The following LAD1 variants were observed in gnomAD, a reference collection of about 807,000 sequenced individuals.
The protein encoded by LAD1 is ladinin 1.
A neutral mutation model predicts 54.2 loss-of-function variants in LAD1; 53 were observed. The ratio of observed to expected loss-of-function variants is 0.98; its 90% CI spans 0.78 to 1.23. The LOEUF (loss-of-function observed/expected upper bound fraction) is 1.23, where lower values mean the gene tolerates loss of function less well. LAD1 is among the 50% of genes most tolerant of loss of function. The pLI, the probability that LAD1 is intolerant of heterozygous loss-of-function variation, is 0.00. For synonymous variants in LAD1, 231 were observed against 257.7 expected (o/e 0.90, Z 0.99); for missense variants, 637 against 653.3 (o/e 0.98, Z 0.27).
chr1:201,383,164 G>T lies in LAD1; in HGVS notation c.1296C>A (p.Phe432Leu), dbSNP rs746996577. Residue 432 changes from phenylalanine to leucine, a missense_variant, in exon 7 of 10, where the codon TTC (phenylalanine) becomes TTA (leucine). Physicochemically the swap from Phe to Leu is conservative, Grantham distance 22. Coordinates refer to ENST00000391967, the MANE Select transcript of LAD1 (RefSeq NM_005558.4). ...TGCTGGCTACACCCACAGGAGCCAC[G>T]AATAACTCAGTGCAAGGCAGACCCC... ...KSRGLPCTEL[F>L]VAPVGVASKR... 3.7e-6 allele frequency: 6 copies of T among 1,613,892 alleles called. No individual in the cohort carries two copies. The African/African-American group carries it at 8.0e-5, about 22-fold the overall frequency.
intron 1 of LAD1, among the ~76,000 whole-genome samples, chr1:201,398,517 G>A (rs910408714): frequency 3.3e-5 from 5 of 152,100 alleles, no homozygotes; most frequent in Non-Finnish European, 5.9e-5. Context: ...GTGCAGGGTC[G>A]CTCCAAGAGA....
chr1:201,389,365 C>G, intron 1 of LAD1, 62 bp from the exon 2 acceptor site: 1 of 1,567,444 alleles, frequency 6.4e-7, no homozygotes, highest in Non-Finnish European at 8.6e-7. Context: ...CCGAGGCAGG[C>G]TCCTCTAGGG....
chr1:201,391,919 G>A (rs1488173569), intron 1 of LAD1, among the ~76,000 whole-genome samples: 4 of 152,342 alleles, frequency 2.6e-5, no homozygotes, highest in African/African-American at 9.6e-5. Context: ...CAGGTTAAAA[G>A]GTTCTAGAAA....
chr1:201,394,645 T>C (rs1425235276), intron 1 of LAD1, among the ~76,000 whole-genome samples: 2 of 152,216 alleles, frequency 1.3e-5, no homozygotes, highest in Non-Finnish European at 2.9e-5. Context: ...GGCTCCAAAG[T>C]CCCACCTCTC....
chr1:201,386,640 T>A lies in LAD1; in HGVS notation c.721A>T (p.Lys241Ter). The change falls in exon 3 of 10, where the codon AAG becomes TAG. Residue 241 changes from lysine to a stop codon, truncating the protein, a stop_gained. Transcript: ENST00000391967. LOFTEE classifies it high-confidence loss of function. ...AGTGCCATCCCTGGGGCCAGCGACT[T>A]CTCAGAGACACTGGTTTTTTCTAGA... ...SVLEKTSVSE[K>*]SLAPGMALGS... is the part of the protein sequence containing the mutation. The A allele has an allele frequency of 6.2e-7, 1 of 1,614,148 alleles. No individual in the cohort carries two copies. The highest frequency in any genetic ancestry group is 8.5e-7 in the Non-Finnish European group (1 of 1,179,996).
intron 1 of LAD1, among the ~76,000 whole-genome samples, chr1:201,393,340 A>C (rs996040439): frequency 6.6e-5 from 10 of 152,352 alleles, no homozygotes; most frequent in Admixed American, 5.2e-4. Context: ...CAGATACCAC[A>C]GGAAAAGCAG....
intron 1 of LAD1, among the ~76,000 whole-genome samples, chr1:201,395,131 G>T (rs1662266477): frequency 6.6e-6 from 1 of 152,166 alleles, no homozygotes; most frequent in African/African-American, 2.4e-5. Flanking sequence ...TGGGAATCAT[G>T]GGGCTGCCTT....
At chr1:201,390,028 T>C (rs1662169978) in intron 1 of LAD1, among the ~76,000 whole-genome samples, 1 of 151,452 alleles carries the variant, frequency 6.6e-6, no homozygotes, top group Non-Finnish European at 1.5e-5. Context: ...CAAGTGATCC[T>C]CCCACCTCAG....
At chr1:201,382,216 C>G (rs1316940405) in intron 9 of LAD1, 36 bp downstream of exon 9, 2 of 1,571,876 alleles carry the variant, frequency 1.3e-6, no homozygotes, top group East Asian at 2.2e-5. Flanking sequence ...CACCGTGGCC[C>G]TCCGCCGTAG....
intron 1 of LAD1, among the ~76,000 whole-genome samples, chr1:201,390,451 T>A (rs753227356): frequency 2.6e-5 from 4 of 151,976 alleles, no homozygotes; most frequent in Non-Finnish European, 4.4e-5. Flanking sequence ...GCCAGAGAAT[T>A]GCTCGAACCT....
At chr1:201,394,706 G>A (rs972696534) in intron 1 of LAD1, among the ~76,000 whole-genome samples, 3 of 152,102 alleles carry the variant, frequency 2.0e-5, no homozygotes, top group South Asian at 2.1e-4. Flanking sequence ...TGGCTTACAC[G>A]TGAGGCCACA....
intron 8 of LAD1, 151 bp downstream of exon 8, chr1:201,382,502 A>T: frequency 2.7e-6 from 2 of 750,362 alleles, no homozygotes; most frequent in South Asian, 3.4e-5. Context: ...TCTATTCCCG[A>T]CTGCCTCCAC....
chr1:201,384,769 AC>A (rs1033800022), intron 5 of LAD1, 22 bp downstream of exon 5: 2 of 1,613,232 alleles, frequency 1.2e-6, no homozygotes, highest in African/African-American at 2.7e-5. Context: ...AATAGAAAGA[AC>A]CAGAGCCTCC....
chr1:201,381,633 G>T lies in LAD1; in HGVS notation c.*255C>A. On this transcript the variant is annotated 3_prime_UTR_variant, in exon 10 of 10. Coordinates refer to ENST00000391967, the MANE Select transcript of LAD1 (RefSeq NM_005558.4). Reference sequence around the variant, plus strand: ...CTGATGTGCACTTGTGCTGTGACCTGGGCAGAGACTGGGTCCCAGCATCTG... The same window carrying T: ...CTGATGTGCACTTGTGCTGTGACCTTGGCAGAGACTGGGTCCCAGCATCTG... 1.7e-6 allele frequency: 1 copy of T among 588,112 alleles called. No homozygotes were observed. Among genetic ancestry groups the T allele is most frequent in the Non-Finnish European group, 3.1e-6 (1 of 325,822 alleles). 36.4% of individuals were successfully genotyped at this position (588,112 alleles called of 1,614,324 possible).
chr1:201,389,382 G>A, intron 1 of LAD1, 79 bp from the exon 2 acceptor site: 1 of 1,522,524 alleles, frequency 6.6e-7, no homozygotes, highest in Non-Finnish European at 8.8e-7. Flanking sequence ...AGGGCTGGGA[G>A]AAGAGACCAA....
At chr1:201,386,302 G>T in intron 3 of LAD1, 33 bp downstream of exon 3, 1 of 1,067,198 alleles carries the variant, frequency 9.4e-7, no homozygotes. Context: ...AGGTGGCAGA[G>T]TAGAAGGGTG....
At chr1:201,398,876 C>T (rs948964766) in intron 1 of LAD1, among the ~76,000 whole-genome samples, 13 of 152,212 alleles carry the variant, frequency 8.5e-5, no homozygotes, top group African/African-American at 3.1e-4. Context: ...CAGGGGTCCT[C>T]TCCGCCAGAG....
rs1254631208 is a variant in LAD1 at position 201,399,284 on chromosome 1, C to A, written c.23G>T (p.Trp8Leu). ...CGGCGCTCACCTGGACAGCGCGGAC[C>A]AGTCCTTCCTGCTGACAGCCATGCT... is the stretch of plus-strand genomic sequence containing the variant. Reference protein sequence around the residue: MAVSRKDWSALSSLARQR... With the variant: MAVSRKDLSALSSLARQR... Residue 8 changes from tryptophan to leucine, a missense_variant, in exon 1 of 10, where the codon TGG becomes TTG. Physicochemically the swap from Trp to Leu is moderately conservative, Grantham distance 61. Transcript: ENST00000391967. The A allele has an allele frequency of 1.3e-6, 2 of 1,549,172 alleles. No individual in the cohort carries two copies. The highest frequency in any genetic ancestry group is 8.7e-7 in the Non-Finnish European group (1 of 1,153,928).
rs368718244 is a variant in LAD1, at chr1:201,381,880, G to T, written c.*8C>A. ...CGAAGACTTGCAGGTCTGTCTTGGC[G>T]GGGCTTGTCACACCTGTGGGGCAAA... On this transcript the variant is annotated 3_prime_UTR_variant, in exon 10 of 10. Transcript: ENST00000391967. The T allele has an allele frequency of 1.2e-6, 2 of 1,613,850 alleles. No homozygotes were observed. The highest frequency in any genetic ancestry group is 8.5e-7 in the Non-Finnish European group (1 of 1,179,888).
Sources: allele counts gnomAD v4.1 joint callset (sites outside exome capture counted in the v4.1 genomes callset), GRCh38; gene constraint gnomAD v4.1.1; transcripts MANE v1.5; gene names NCBI Gene and HGNC (gene_info 2026-07-23, HGNC 2026-07-21).